KIF1B: variants seen among roughly 807,000 people sequenced by gnomAD.
KIF1B encodes the protein kinesin family member 1B, also known as kinesin-like protein KIF1B.
KIF1B carries 76 observed loss-of-function variants against 241.9 expected under a neutral mutation model. The ratio of observed to expected loss-of-function variants is 0.31; its 90% confidence interval spans 0.26 to 0.38. KIF1B has a LOEUF of 0.38. Among genes scored for constraint, KIF1B ranks in the 10% least tolerant of loss-of-function variants. The pLI, the probability that KIF1B is intolerant of heterozygous loss-of-function variation, is 1.00. For synonymous variants in KIF1B, 750 were observed against 796.7 expected, an observed-to-expected ratio of 0.94 and a Z score of 0.99; for missense variants, 1,622 against 2,271.4, an observed-to-expected ratio of 0.71 and a Z score of 5.81.
At chr1:10,256,934 G>A (rs1369463399) in intron 3 of KIF1B, among the ~76,000 whole-genome samples, 1 of 151,778 alleles carries the variant, frequency 6.6e-6, no homozygotes, top group Non-Finnish European at 1.5e-5. Flanking sequence ...CTGGTCTCGA[G>A]CTTCTGACCT....
At chr1:10,234,399 A>C (rs1355262244) in intron 2 of KIF1B, among the ~76,000 whole-genome samples, 1 of 150,930 alleles carries the variant, frequency 6.6e-6, no homozygotes, top group African/African-American at 2.4e-5. Context: ...GTAGAGATGG[A>C]GTTTCACCAT....
At chr1:10,267,935 T>G (rs771709442) in intron 6 of KIF1B, among the ~76,000 whole-genome samples, 1 of 152,094 alleles carries the variant, frequency 6.6e-6, no homozygotes, top group Non-Finnish European at 1.5e-5. Flanking sequence ...GTATGAAAAA[T>G]GATTCTGATG....
At position 10,326,386 on chromosome 1, in the gene KIF1B, G is replaced by T; in HGVS notation, c.2924+27G>T. ...TTGGTGAGGTTATTGTGAGAAAGGC[G>T]AAAAGGGACCAGCTCTTGCTCTGAA... On this transcript the variant is annotated intron_variant, in intron 27 of 48. Transcript: ENST00000676179. This position sits in a 1 kb window ranked among gnomAD's most constrained non-coding sequence, Gnocchi z 5.2. 6.2e-7 allele frequency: 1 copy of T among 1,613,792 alleles called. No individual in the cohort carries two copies. The highest frequency in any genetic ancestry group is 8.5e-7 in the Non-Finnish European group (1 of 1,180,024).
chr1:10,348,099 C>G (rs1165010664), intron 36 of KIF1B, among the ~76,000 whole-genome samples: 2 of 152,040 alleles, frequency 1.3e-5, no homozygotes, highest in African/African-American at 2.4e-5. Context: ...TGTGTAGCTC[C>G]TATGTCACTT....
At chr1:10,336,941 C>T in intron 29 of KIF1B, 133 bp from the exon 30 acceptor site, 1 of 1,276,926 alleles carries the variant, frequency 7.8e-7, no homozygotes, top group Non-Finnish European at 1.1e-6. Context: ...ATTGCCTTTC[C>T]TCAGACAGCC....
intron 32 of KIF1B, among the ~76,000 whole-genome samples, chr1:10,341,489 T>A (rs1401337280): frequency 6.6e-6 from 1 of 152,058 alleles, no homozygotes; most frequent in Non-Finnish European, 1.5e-5. Flanking sequence ...GGTGAGTGAG[T>A]GAGCCAGAAT....
At chr1:10,318,983 GA>G (rs1488808904) in intron 22 of KIF1B, among the ~76,000 whole-genome samples, 3 of 151,878 alleles carry the variant, frequency 2.0e-5, no homozygotes, top group Non-Finnish European at 4.4e-5. Flanking sequence ...AAAAGACTAA[GA>G]TTTTTTTCAT....
Position 10,337,629 on chromosome 1 carries a change from ACT to A in KIF1B, c.3422+99_3422+100del, listed in dbSNP as rs1017302547. ...TGCTTTACATGTGTGAGGGATTAAC[ACT>A]CTTGAGACAAAGACTGATCAGTCTC... On this transcript the variant is annotated intron_variant, in intron 31 of 48. Transcript: ENST00000676179. This position sits in a 1 kb window ranked among gnomAD's most constrained non-coding sequence, Gnocchi z 4.0. The A allele has an allele frequency of 4.2e-5, 56 of 1,325,744 alleles. No homozygotes were observed. Among genetic ancestry groups the A allele is most frequent in the Non-Finnish European group, 5.8e-5 (54 of 925,750 alleles). The allele number at this position is 1,325,744 out of a possible 1,614,324, so 82.1% of individuals were successfully genotyped here.
In KIF1B at chr1:10,339,701, T is replaced by C. The variant is rs1211754693; in HGVS notation, c.3423-68T>C. On this transcript the variant is annotated intron_variant, in intron 31 of 48. Coordinates refer to ENST00000676179, the MANE Select transcript of KIF1B (RefSeq NM_001365951.3). ...TCTTTCTGTAGGATCCACATTGGGC[T>C]CTTGAAAGAGATTCTGATAAAACCG... 2.7e-5 allele frequency: 35 copies of C among 1,300,618 alleles called. No homozygotes were observed. The South Asian group carries it at 3.6e-4, about 13-fold the overall frequency. 80.6% of individuals were successfully genotyped at this position (1,300,618 alleles called of 1,614,324 possible).
intron 2 of KIF1B, among the ~76,000 whole-genome samples, chr1:10,234,713 G>A (rs760591618): frequency 2.8e-4 from 43 of 151,444 alleles, no homozygotes; most frequent in South Asian, 2.1e-4. Flanking sequence ...CTGTAGAGAC[G>A]GGGACTCACT....
intron 1 of KIF1B, chr1:10,211,525 G>A (rs1019944753): frequency 6.6e-6 from 1 of 152,220 alleles, no homozygotes. Context: ...AATCCTTTAG[G>A]AGCCAAGTCC....
intron 22 of KIF1B, among the ~76,000 whole-genome samples, chr1:10,300,237 A>T (rs113540411): frequency 2.1e-4 from 30 of 143,900 alleles, no homozygotes; most frequent in East Asian, 6.0e-4. Flanking sequence ...ACTCAGTGTC[A>T]AATAATAATA....
intron 1 of KIF1B, among the ~76,000 whole-genome samples, chr1:10,219,907 A>G (rs1331830888): frequency 6.6e-6 from 1 of 151,496 alleles, no homozygotes; most frequent in South Asian, 2.1e-4. Context: ...ATCTCTATTA[A>G]AGATAAATTT....
In KIF1B at chr1:10,303,550, G is replaced by A. The variant is rs1456368336; in HGVS notation, c.2115+6304G>A. On this transcript the variant is annotated intron_variant, in intron 22 of 48. Transcript: ENST00000676179. The surrounding 1 kb of genome is among the most constrained non-coding windows in gnomAD (Gnocchi z 5.2). ...TGAGCGGGACTCCTGGAGGGCAGTG[G>A]CCAGGGACGTCTGGGATACCGTCGG... The A allele has an allele frequency of 4.3e-6, 7 of 1,614,068 alleles. No homozygotes were observed. Among genetic ancestry groups the A allele is most frequent in the Admixed American group, 1.7e-5 (1 of 60,002 alleles).
chr1:10,269,945 G>GT (rs918311406), intron 7 of KIF1B, among the ~76,000 whole-genome samples: 2 of 152,140 alleles, frequency 1.3e-5, no homozygotes, highest in Non-Finnish European at 1.5e-5. Context: ...ATGTGAAGGT[G>GT]TTTTTTGCCC....
chr1:10,369,880 C>A (rs934039749), intron 44 of KIF1B, among the ~76,000 whole-genome samples: 1 of 150,660 alleles, frequency 6.6e-6, no homozygotes, highest in Admixed American at 6.6e-5. Context: ...TGCAGTGAGC[C>A]AAGATCGTGC....
At chr1:10,305,142 C>T (rs1328748032) in intron 22 of KIF1B, 3 of 1,051,602 alleles carry the variant, frequency 2.9e-6, no homozygotes, top group African/African-American at 1.7e-5. Context: ...TTCTCATCCA[C>T]GTCTGTTCCC....
At chr1:10,375,094 C>T (rs1286117699) in intron 47 of KIF1B, 48 bp downstream of exon 47, 1 of 1,590,104 alleles carries the variant, frequency 6.3e-7, no homozygotes, top group Admixed American at 1.7e-5. Context: ...GTGCCCTTCT[C>T]TTTTGATTTC....
At chr1:10,300,237 A>AAATAATAAT (rs367822978) in intron 22 of KIF1B, among the ~76,000 whole-genome samples, 3,230 of 143,882 alleles carry the variant, frequency 0.022, 63 homozygotes, top group Admixed American at 0.044. Context: ...ACTCAGTGTC[A>AAATAATAAT]AATAATAATA....
Sources: gnomAD v4.1 joint callset for allele counts (sites outside exome capture counted in the v4.1 genomes callset) on GRCh38, gnomAD v4.1.1 for gene constraint, Gnocchi (gnomAD v3.1) non-coding constraint, MANE v1.5 for transcripts, NCBI Gene and HGNC (gene_info 2026-07-23, HGNC 2026-07-21) for gene names.